The following GADL1 variants were observed in gnomAD, a reference collection of about 807,000 sequenced individuals.
The protein encoded by GADL1 is GAD like acidic amino acid decarboxylase 1.
Under a neutral mutation model 69.5 loss-of-function variants are expected in GADL1, and 71 were observed. That is an observed-to-expected ratio of 1.02 (90% confidence interval 0.84 to 1.25). The LOEUF is 1.25. Ranked by LOEUF, GADL1 falls within the 50% of genes most tolerant of loss-of-function variation. The pLI, the probability that GADL1 is intolerant of heterozygous loss-of-function variation, is 0.00. For synonymous variants in GADL1, 254 were observed against 214.4 expected (o/e 1.18, Z -1.62); for missense variants, 737 against 631.8 (o/e 1.17, Z -1.79).
At chr3:30,731,484 T>C (rs1230121049) in intron 14 of GADL1, among the ~76,000 whole-genome samples, 1 of 152,224 alleles carries the variant, frequency 6.6e-6, no homozygotes, top group Non-Finnish European at 1.5e-5. Context: ...TTGTATTTCT[T>C]GTGAGGAAGC....
At chr3:30,731,322 A>G (rs1695453887) in intron 14 of GADL1, among the ~76,000 whole-genome samples, 3 of 152,340 alleles carry the variant, frequency 2.0e-5, no homozygotes, top group South Asian at 2.1e-4. Flanking sequence ...CCTAATTTGC[A>G]TAGTGTATTC....
At chr3:30,842,431 G>C in intron 8 of GADL1, among the ~76,000 whole-genome samples, 1 of 151,852 alleles carries the variant, frequency 6.6e-6, no homozygotes, top group East Asian at 1.9e-4. Flanking sequence ...TTACAGAATG[G>C]GTATATGAAG....
chr3:30,822,559 C>T (rs1697603269), intron 11 of GADL1, among the ~76,000 whole-genome samples: 1 of 151,956 alleles, frequency 6.6e-6, no homozygotes, highest in Non-Finnish European at 1.5e-5. Flanking sequence ...TTAATCTATA[C>T]TTATCAGCCT....
chr3:30,778,154 A>G, intron 14 of GADL1, 25 bp downstream of exon 14: 2 of 1,343,576 alleles, frequency 1.5e-6, no homozygotes, highest in Non-Finnish European at 2.1e-6. Flanking sequence ...ATCAAAAAGA[A>G]AAATACCATT....
At chr3:30,851,595 G>A (rs1042177280) in intron 4 of GADL1, among the ~76,000 whole-genome samples, 1 of 152,152 alleles carries the variant, frequency 6.6e-6, no homozygotes, top group Non-Finnish European at 1.5e-5. Flanking sequence ...TGCCTTGGCT[G>A]CAGGGAGCTA....
chr3:30,731,240 G>A (rs552413812), intron 14 of GADL1, among the ~76,000 whole-genome samples: 13 of 152,180 alleles, frequency 8.5e-5, no homozygotes, highest in Non-Finnish European at 1.3e-4. Context: ...TCGTCCTCCA[G>A]GTACCCAGGG....
intron 11 of GADL1, among the ~76,000 whole-genome samples, chr3:30,811,968 A>G (rs978222604): frequency 6.6e-6 from 1 of 152,232 alleles, no homozygotes; most frequent in African/African-American, 2.4e-5. Context: ...TCTCACATTG[A>G]AAAATCCTGA....
At chr3:30,751,096 C>T (rs1460359943) in intron 14 of GADL1, among the ~76,000 whole-genome samples, 1 of 152,096 alleles carries the variant, frequency 6.6e-6, no homozygotes, top group Non-Finnish European at 1.5e-5. Flanking sequence ...ACAGCAGGTG[C>T]AGCCAGTTCT....
At chr3:30,736,715 T>C (rs946995283) in intron 14 of GADL1, among the ~76,000 whole-genome samples, 3 of 152,192 alleles carry the variant, frequency 2.0e-5, no homozygotes, top group Admixed American at 1.3e-4. Flanking sequence ...CCATTAATCT[T>C]CCATTTAAGT....
intron 1 of GADL1, among the ~76,000 whole-genome samples, chr3:30,893,517 C>T (rs1369983550): frequency 1.3e-5 from 2 of 152,148 alleles, no homozygotes; most frequent in African/African-American, 4.8e-5. Context: ...ATTGACCTAC[C>T]TTTCTACAGC....
rs372860447 is a variant in GADL1, at chr3:30,729,510, G to T, written c.1393-1095C>A. 3.9e-5 allele frequency among the ~76,000 whole-genome samples: 6 copies of T among 152,250 alleles called. No homozygotes were observed. In the East Asian group the frequency reaches 5.8e-4, roughly 15 times the overall value. On this transcript the variant is annotated intron_variant, in intron 14 of 14. Coordinates refer to ENST00000282538, the MANE Select transcript of GADL1 (RefSeq NM_207359.3). ...GGAGTACATATAGAAAGAACACCAG[G>T]CAGAGTGTGCTTTTAAACTCCTTAG...
intron 1 of GADL1, among the ~76,000 whole-genome samples, chr3:30,882,204 T>C (rs547821862): frequency 6.6e-6 from 1 of 152,062 alleles, no homozygotes; most frequent in Non-Finnish European, 1.5e-5. Context: ...CATTTTTAAG[T>C]GTACAGCTCA....
chr3:30,870,936 G>T (rs1040156225), intron 1 of GADL1, among the ~76,000 whole-genome samples: 2 of 151,680 alleles, frequency 1.3e-5, no homozygotes, highest in African/African-American at 4.9e-5. Flanking sequence ...GACATAGGAA[G>T]ATCGACATTT....
At chr3:30,862,623 A>G (rs4955346) in intron 1 of GADL1, among the ~76,000 whole-genome samples, 51,499 of 151,860 alleles carry the variant, frequency 0.34, 9,227 homozygotes, top group East Asian at 0.67. Flanking sequence ...TCCAGATTGA[A>G]ATAACAAATT....
intron 13 of GADL1, among the ~76,000 whole-genome samples, chr3:30,783,716 A>C (rs1696725217): frequency 6.6e-6 from 1 of 152,214 alleles, no homozygotes; most frequent in African/African-American, 2.4e-5. Flanking sequence ...AACCATTTAG[A>C]AAACCACCTG....
chr3:30,753,964 T>TA lies in GADL1; in HGVS notation c.1392+24214dup, dbSNP rs1442237147. The stretch of plus-strand genomic sequence containing the variant: ...AATGACATCACTACTGTTAGCACGC[T>TA]AAAAGCCATGGCCACCTACGGATTT... On this transcript the variant is annotated intron_variant, in intron 14 of 14. Coordinates refer to ENST00000282538, the MANE Select transcript of GADL1 (RefSeq NM_207359.3). Among the ~76,000 whole-genome samples the TA allele has an allele frequency of 4.6e-5, 7 of 152,164 alleles. No homozygotes were observed. The South Asian group carries it at 6.2e-4, about 14-fold the overall frequency.
At chr3:30,734,674 T>C (rs17026462) in intron 14 of GADL1, among the ~76,000 whole-genome samples, 13,920 of 152,160 alleles carry the variant, frequency 0.091, 1,754 homozygotes, top group African/African-American at 0.28. Context: ...AACGGATAGT[T>C]TCACCAAATA....
chr3:30,769,156 G>A (rs918088933), intron 14 of GADL1, among the ~76,000 whole-genome samples: 2 of 152,084 alleles, frequency 1.3e-5, no homozygotes, highest in Admixed American at 1.3e-4. Context: ...CACCATCCTA[G>A]GCAAGGCTGA....
chr3:30,753,588 C>G (rs961413270), intron 14 of GADL1, among the ~76,000 whole-genome samples: 2 of 140,664 alleles, frequency 1.4e-5, no homozygotes, highest in Non-Finnish European at 3.0e-5. Flanking sequence ...CGTCGGAAGA[C>G]CAACAGACTT....
Sources: gnomAD v4.1 joint callset for allele counts (sites outside exome capture counted in the v4.1 genomes callset) on GRCh38, gnomAD v4.1.1 for gene constraint, MANE v1.5 for transcripts, NCBI Gene and HGNC (gene_info 2026-07-23, HGNC 2026-07-21) for gene names.